Variants in NAA11 observed in about 807,000 individuals in gnomAD.
The protein encoded by NAA11 is N-alpha-acetyltransferase 11, NatA catalytic subunit, also known as N-alpha-acetyltransferase 11.
A neutral mutation model predicts 16.1 loss-of-function variants in NAA11; 15 were observed. The ratio of observed to expected loss-of-function variants is 0.93; its 90% confidence interval spans 0.62 to 1.44. The LOEUF is 1.44. Ranked by LOEUF, NAA11 falls within the 40% of genes most tolerant of loss-of-function variation. The pLI, the probability that NAA11 is intolerant of heterozygous loss-of-function variation, is 0.00. For synonymous variants in NAA11, 122 were observed against 112.4 expected, an observed-to-expected ratio of 1.09 and a Z score of -0.54; for missense variants, 298 against 291.3, an observed-to-expected ratio of 1.02 and a Z score of -0.17.
At chr4:79,303,199 T>C (rs904913461) in intron 1 of NAA11, among the ~76,000 whole-genome samples, 1 of 149,242 alleles carries the variant, frequency 6.7e-6, no homozygotes, top group Non-Finnish European at 1.5e-5. Context: ...AAGAGATAAA[T>C]GTACAGGTCA....
chr4:79,199,722 T>C, the NAA11 span, among the ~76,000 whole-genome samples: 1 of 151,908 alleles, frequency 6.6e-6, no homozygotes, highest in Non-Finnish European at 1.5e-5. Context: ...TGGTCAGTTG[T>C]TATAATTAGA....
intron 2 of NAA11, among the ~76,000 whole-genome samples, chr4:79,236,476 T>G (rs1456795649): frequency 1.3e-5 from 2 of 152,152 alleles, no homozygotes; most frequent in African/African-American, 4.8e-5. Context: ...AAAAAAAGAT[T>G]TTTTCCCCCT....
intron 2 of NAA11, among the ~76,000 whole-genome samples, chr4:79,230,947 A>T (rs1258120001): frequency 6.6e-6 from 1 of 152,024 alleles, no homozygotes; most frequent in Non-Finnish European, 1.5e-5. Context: ...CAATATTATC[A>T]TAAGACCTTT....
chr4:79,220,067 A>T, the NAA11 span, among the ~76,000 whole-genome samples: 2 of 152,190 alleles, frequency 1.3e-5, no homozygotes, highest in Non-Finnish European at 2.9e-5. Flanking sequence ...CTGGGCTAGC[A>T]TGCTCACTGC....
At chr4:79,165,897 A>G in the NAA11 span, among the ~76,000 whole-genome samples, 1 of 152,198 alleles carries the variant, frequency 6.6e-6, no homozygotes, top group Admixed American at 6.5e-5. Context: ...TTATTGCCTA[A>G]AAGTAAGTGG....
At chr4:79,263,343 A>G (rs1163943984) in intron 2 of NAA11, among the ~76,000 whole-genome samples, 1 of 152,160 alleles carries the variant, frequency 6.6e-6, no homozygotes, top group Non-Finnish European at 1.5e-5. Flanking sequence ...AAAATTAACA[A>G]TGAGCAATGA....
intron 2 of NAA11, among the ~76,000 whole-genome samples, chr4:79,293,398 A>G (rs535263007): frequency 6.6e-6 from 1 of 152,330 alleles, no homozygotes; most frequent in Admixed American, 6.5e-5. Flanking sequence ...AAGAATAACA[A>G]TATAGTAATG....
chr4:79,167,015 G>A, the NAA11 span, among the ~76,000 whole-genome samples: 2 of 145,442 alleles, frequency 1.4e-5, no homozygotes, highest in Non-Finnish European at 3.0e-5. Context: ...CTAGGGTACT[G>A]GAATTAGTCA....
rs376457605 is a variant in NAA11 at position 79,236,802 on chromosome 4, A to G, written c.*123-10532T>C. Reference sequence around the variant, plus strand: ...AACAGAGCCATCTCTGAGGTGGCAGAGGAGCTTAACACTTCATGGGACCCT... The same window carrying G: ...AACAGAGCCATCTCTGAGGTGGCAGGGGAGCTTAACACTTCATGGGACCCT... On this transcript the variant is annotated intron_variant and NMD_transcript_variant, in intron 2 of 2. Coordinates refer to the NAA11 transcript ENST00000511542. Among the ~76,000 whole-genome samples the G allele has an allele frequency of 3.4e-4, 52 of 152,280 alleles. No homozygotes were observed. The South Asian group carries it at 5.2e-3, about 15-fold the overall frequency.
At chr4:79,202,657 A>ATATATATATATATCTAT in the NAA11 span, among the ~76,000 whole-genome samples, 1 of 127,636 alleles carries the variant, frequency 7.8e-6, no homozygotes. Flanking sequence ...ATATCTGTGT[A>ATATATATATATATCTAT]ATTGTTCAGG....
chr4:79,234,192 C>G (rs562450790), intron 2 of NAA11, among the ~76,000 whole-genome samples: 1 of 152,050 alleles, frequency 6.6e-6, no homozygotes, highest in Non-Finnish European at 1.5e-5. Flanking sequence ...AAAATGATTT[C>G]GAGGTTATCC....
At chr4:79,254,067 C>T (rs974865370) in intron 2 of NAA11, among the ~76,000 whole-genome samples, 1 of 152,176 alleles carries the variant, frequency 6.6e-6, no homozygotes. Context: ...GCCTGCCACC[C>T]AGTGTAGCTG....
chr4:79,267,574 C>G (rs1396396937), intron 2 of NAA11, among the ~76,000 whole-genome samples: 1 of 152,070 alleles, frequency 6.6e-6, no homozygotes, highest in African/African-American at 2.4e-5. Context: ...GTAAAATCTT[C>G]TTTACAATGG....
intron 2 of NAA11, among the ~76,000 whole-genome samples, chr4:79,231,485 A>G (rs778471559): frequency 2.0e-5 from 3 of 151,998 alleles, no homozygotes; most frequent in Admixed American, 6.6e-5. Flanking sequence ...GCAAAACAGC[A>G]TAGCTGGTAG....
chr4:79,158,109 G>A, the NAA11 span, among the ~76,000 whole-genome samples: 2 of 151,882 alleles, frequency 1.3e-5, no homozygotes, highest in African/African-American at 4.8e-5. Flanking sequence ...CACCATGTTA[G>A]CCAGGATGGT....
At chr4:79,192,295 G>C in the NAA11 span, among the ~76,000 whole-genome samples, 1 of 151,480 alleles carries the variant, frequency 6.6e-6, no homozygotes, top group East Asian at 1.9e-4. Flanking sequence ...TGTTACATAT[G>C]TATACATGTG....
the NAA11 span, among the ~76,000 whole-genome samples, chr4:79,165,375 G>C: frequency 3.8e-4 from 58 of 152,288 alleles, no homozygotes; most frequent in African/African-American, 1.3e-3. Flanking sequence ...TAAACTGCAG[G>C]CTTGGGAAAT....
At chr4:79,271,228 A>C (rs1387118337) in intron 2 of NAA11, among the ~76,000 whole-genome samples, 1 of 114,864 alleles carries the variant, frequency 8.7e-6, no homozygotes, top group Non-Finnish European at 1.8e-5. Context: ...ATTCTTATAC[A>C]CCAACAACAG....
chr4:79,281,343 T>TA (rs1722782430), intron 2 of NAA11, among the ~76,000 whole-genome samples: 1 of 151,316 alleles, frequency 6.6e-6, no homozygotes, highest in Admixed American at 6.6e-5. Context: ...GCATAGATAA[T>TA]AAATACATAT....
Sources: gnomAD v4.1 joint callset for allele counts (sites outside exome capture counted in the v4.1 genomes callset) on GRCh38, gnomAD v4.1.1 for gene constraint, MANE v1.5 for transcripts, NCBI Gene and HGNC (gene_info 2026-07-23, HGNC 2026-07-21) for gene names.